The following RCC1 variants were observed in gnomAD, a reference collection of about 807,000 sequenced individuals.
RCC1 encodes regulator of chromosome condensation 1.
Under a neutral mutation model 44.4 loss-of-function variants are expected in RCC1, and 11 were observed. The observed-to-expected ratio is 0.25, with a 90% CI of 0.16 to 0.41. The LOEUF is 0.41. Among genes scored for constraint, RCC1 ranks in the 10% least tolerant of loss-of-function variants. The pLI, the probability that RCC1 is intolerant of heterozygous loss-of-function variation, is 1.00. For synonymous variants in RCC1, 213 were observed against 216.5 expected, an observed-to-expected ratio of 0.98 and a Z score of 0.14; for missense variants, 386 against 547.1, an observed-to-expected ratio of 0.71 and a Z score of 2.94.
chr1:28,534,892 A>G (rs1271294698), intron 7 of RCC1, among the ~76,000 whole-genome samples, 158 bp from the exon 8 acceptor site: 1 of 152,200 alleles, frequency 6.6e-6, no homozygotes, highest in African/African-American at 2.4e-5. Context: ...ATTTTAATGC[A>G]AGTCGCAGAC....
intron 3 of RCC1, chr1:28,510,597 CAAAAA>C (rs888714073): frequency 3.3e-5 from 5 of 151,672 alleles, no homozygotes; most frequent in African/African-American, 4.8e-5. Context: ...AGTTAAGTCT[CAAAAA>C]AAAGGCATCT....
rs926206335 is a variant in RCC1, at chr1:28,506,088, A to G, written c.-262+4A>G. Reference sequence around the variant, plus strand: ...CAGTGGTCGCTTCTTCTCCTTGGTAAGTGTGATCCTTGGTAAGTGTGATCA... The same window carrying G: ...CAGTGGTCGCTTCTTCTCCTTGGTAGGTGTGATCCTTGGTAAGTGTGATCA... On this transcript the variant is annotated splice_donor_region_variant and intron_variant, in intron 1 of 12. Transcript: ENST00000683442. The G allele has an allele frequency of 4.4e-5, 20 of 455,380 alleles. No homozygotes were observed. The highest frequency in any genetic ancestry group is 7.9e-5 in the Non-Finnish European group (18 of 226,762). The allele number at this position is 455,380 out of a possible 1,614,324, so 28.2% of individuals were successfully genotyped here.
At chr1:28,528,340 C>T (rs959582189) in intron 4 of RCC1, among the ~76,000 whole-genome samples, 2 of 151,694 alleles carry the variant, frequency 1.3e-5, no homozygotes, top group African/African-American at 2.4e-5. Flanking sequence ...CCTGTAATCC[C>T]AGCTACTCGA....
chr1:28,514,343 G>C (rs1662748080), intron 3 of RCC1, among the ~76,000 whole-genome samples: 1 of 151,950 alleles, frequency 6.6e-6, no homozygotes. Flanking sequence ...CCAGCTACTA[G>C]GGAGGCTGAG....
rs1048087866 is a variant in RCC1, at chr1:28,535,380, G to A, written c.661G>A (p.Glu221Lys). The change falls in exon 9 of 13, where the codon GAA (glutamate) becomes AAA (lysine). Residue 221 changes from glutamate (E) to lysine (K), a missense_variant and splice_region_variant. Glu to Lys is a moderately conservative substitution (Grantham distance 56, BLOSUM62 1). Coordinates refer to ENST00000683442, the MANE Select transcript of RCC1 (RefSeq NM_001381865.2). Reference protein sequence around the residue: ...FANRGGRQGLERLLVPKCVML... With the variant: ...FANRGGRQGLKRLLVPKCVML... Reference sequence around the variant, plus strand: ...CAACCGTGGTGGCCGGCAAGGCCTCGGTAAGTGGCCTTGGTACCTCCAGCA... The same window carrying A: ...CAACCGTGGTGGCCGGCAAGGCCTCAGTAAGTGGCCTTGGTACCTCCAGCA... 8.1e-6 allele frequency: 13 copies of A among 1,613,950 alleles called. No homozygotes were observed. The highest frequency in any genetic ancestry group is 3.3e-5 in the Admixed American group (2 of 60,008).
At chr1:28,531,534 A>C (rs970131037) in intron 5 of RCC1, among the ~76,000 whole-genome samples, 1 of 151,980 alleles carries the variant, frequency 6.6e-6, no homozygotes, top group African/African-American at 2.4e-5. Context: ...CTCTCCACCA[A>C]GATTCATTTC....
chr1:28,526,768 C>T lies in RCC1; in HGVS notation c.-9-3090C>T, dbSNP rs974691883. On this transcript the variant is annotated intron_variant, in intron 4 of 12. Coordinates refer to ENST00000683442, the MANE Select transcript of RCC1 (RefSeq NM_001381865.2). ...AAAATTAGCCAGGCGTCGTGGCAGG[C>T]GCCTGTAATTCCAGGTACTCAGGAG... The T allele has an allele frequency of 1.8e-4, 96 of 543,442 alleles. 1 individual carries two copies. The highest frequency in any genetic ancestry group is 8.6e-4 in the South Asian group (36 of 41,630). The allele number at this position is 543,442 out of a possible 1,614,324, so 33.7% of individuals were successfully genotyped here.
At chr1:28,522,076 G>C (rs10915206) in intron 4 of RCC1, among the ~76,000 whole-genome samples, 3 of 152,070 alleles carry the variant, frequency 2.0e-5, no homozygotes, top group Non-Finnish European at 4.4e-5. Flanking sequence ...GGTGCCCCCA[G>C]GGGCTCATAT....
intron 4 of RCC1, among the ~76,000 whole-genome samples, chr1:28,517,758 T>C (rs1570178323): frequency 6.6e-6 from 1 of 151,430 alleles, no homozygotes; most frequent in African/African-American, 2.5e-5. Flanking sequence ...CTCCCTGGGT[T>C]CTCGTGGTTC....
At chr1:28,506,542 C>CT (rs758815332) in intron 1 of RCC1, 3 of 237,452 alleles carry the variant, frequency 1.3e-5, no homozygotes, top group African/African-American at 7.1e-5. Context: ...GGTCCCAACT[C>CT]TAAAGTACGC....
chr1:28,529,852 T>G lies in RCC1; in HGVS notation c.-9-6T>G. 6.2e-7 allele frequency: 1 copy of G among 1,613,342 alleles called. No homozygotes were observed. Among genetic ancestry groups the G allele is most frequent in the Non-Finnish European group, 8.5e-7 (1 of 1,179,328 alleles). On this transcript the variant is annotated splice_polypyrimidine_tract_variant and splice_region_variant and intron_variant, in intron 4 of 12. Transcript: ENST00000683442. The stretch of plus-strand genomic sequence containing the variant: ...TTCTCATATGTAGTATTTGACTGAC[T>G]TTCAGGACAGGAAGATGTCACCCAA...
chr1:28,519,998 A>G (rs897237155), intron 4 of RCC1, among the ~76,000 whole-genome samples: 5 of 151,938 alleles, frequency 3.3e-5, no homozygotes, highest in Non-Finnish European at 7.4e-5. Flanking sequence ...CAGCCTCCCG[A>G]ATAGTAATAT....
intron 4 of RCC1, among the ~76,000 whole-genome samples, chr1:28,527,562 A>G (rs1359971237): frequency 6.6e-6 from 1 of 152,174 alleles, no homozygotes; most frequent in Non-Finnish European, 1.5e-5. Flanking sequence ...AATCAATTAA[A>G]TAAGAAAAGA....
intron 4 of RCC1, among the ~76,000 whole-genome samples, chr1:28,524,536 G>GA (rs1392594722): frequency 6.6e-6 from 1 of 152,044 alleles, no homozygotes; most frequent in Non-Finnish European, 1.5e-5. Flanking sequence ...CAGCCTAGGT[G>GA]ACAGAGTGAG....
intron 5 of RCC1, among the ~76,000 whole-genome samples, chr1:28,530,331 A>G (rs935238359): frequency 1.3e-5 from 2 of 152,224 alleles, no homozygotes; most frequent in Non-Finnish European, 2.9e-5. Flanking sequence ...AAATGGCGGC[A>G]GCCAGAGCAG....
At chr1:28,532,054 T>C in intron 6 of RCC1, 64 bp downstream of exon 6, 1 of 1,555,978 alleles carries the variant, frequency 6.4e-7, no homozygotes, top group Non-Finnish European at 8.7e-7. Context: ...GGGGCAGGGC[T>C]TTTGAACCAC....
intron 4 of RCC1, among the ~76,000 whole-genome samples, chr1:28,523,758 TCTGATGAA>T (rs1453133845): frequency 6.6e-6 from 1 of 152,218 alleles, no homozygotes; most frequent in African/African-American, 2.4e-5. Context: ...TACAGATTAT[TCTGATGAA>T]CTGATGAGAT....
chr1:28,507,595 G>C, intron 1 of RCC1: 1 of 461,434 alleles, frequency 2.2e-6, no homozygotes, highest in South Asian at 1.6e-5. Context: ...AATCTGGATT[G>C]AAGTCTTTTT....
intron 4 of RCC1, among the ~76,000 whole-genome samples, chr1:28,520,166 A>T (rs914887283): frequency 3.3e-5 from 5 of 152,162 alleles, no homozygotes; most frequent in Admixed American, 6.5e-5. Flanking sequence ...GCAGCTCACC[A>T]AATGTATATT....
Sources: gnomAD v4.1 joint callset for allele counts (sites outside exome capture counted in the v4.1 genomes callset) on GRCh38, gnomAD v4.1.1 for gene constraint, MANE v1.5 for transcripts, NCBI Gene and HGNC (gene_info 2026-07-23, HGNC 2026-07-21) for gene names.